FAIM: variants seen among roughly 807,000 people sequenced by gnomAD.
FAIM encodes fas apoptotic inhibitory molecule 1.
Under a neutral mutation model 21.2 loss-of-function variants are expected in FAIM, and 14 were observed. The ratio of observed to expected loss-of-function variants is 0.66; its 90% CI spans 0.44 to 1.03. FAIM has a LOEUF of 1.03. Among genes scored for constraint, FAIM ranks in the 50% least tolerant of loss-of-function variants. The pLI is 0.00. For synonymous variants in FAIM, 86 were observed against 80.4 expected, an observed-to-expected ratio of 1.07 and a Z score of -0.37; for missense variants, 222 against 247.1, an observed-to-expected ratio of 0.90 and a Z score of 0.68.
intron 1 of FAIM, chr3:138,610,913 T>C: frequency 3.2e-6 from 5 of 1,555,588 alleles, no homozygotes; most frequent in Non-Finnish European, 3.5e-6. Flanking sequence ...ACCAAAGCCT[T>C]CTTCGGCAGA....
chr3:138,626,895 G>A (rs905936595), intron 4 of FAIM, among the ~76,000 whole-genome samples: 1 of 152,174 alleles, frequency 6.6e-6, no homozygotes, highest in African/African-American at 2.4e-5. Flanking sequence ...GCTAGGTGAA[G>A]CAATGGTATT....
intron 1 of FAIM, among the ~76,000 whole-genome samples, chr3:138,618,952 T>G (rs150971294): frequency 2.1e-4 from 32 of 152,336 alleles, no homozygotes; most frequent in African/African-American, 7.7e-4. Context: ...ACAGCTTAAT[T>G]AACACTGCAG....
chr3:138,619,657 C>A (rs971064478), intron 1 of FAIM, 54 bp from the exon 2 acceptor site: 21 of 1,531,120 alleles, frequency 1.4e-5, no homozygotes, highest in Admixed American at 1.8e-5. Context: ...TGCTTTCAAT[C>A]TTTCTTTGCT....
At position 138,622,275 on chromosome 3, in the gene FAIM, A is replaced by G. The variant is rs952452118; in HGVS notation, c.265A>G (p.Ile89Val). 1 of 1,613,922 alleles carries G rather than the reference A, an allele frequency of 6.2e-7. No homozygotes were observed. The highest frequency in any genetic ancestry group is 8.5e-7 in the Non-Finnish European group (1 of 1,179,980). The change falls in exon 4 of 6, where the codon ATA (isoleucine) becomes GTA (valine). Residue 89 changes from isoleucine to valine, a missense_variant. Physicochemically the swap from Ile to Val is conservative, Grantham distance 29 (BLOSUM62 3). Transcript: ENST00000360570. ...TGCAAAGACAAAAGCGACCATAAAT[A>G]TAGACGCTATCAGTGGTTTTGCTTA... ...GAAKTKATINIDAISGFAYEY... is the reference protein window; with the variant it reads ...GAAKTKATINVDAISGFAYEY...
intron 4 of FAIM, among the ~76,000 whole-genome samples, chr3:138,625,174 A>G (rs1471756399): frequency 6.6e-6 from 1 of 151,948 alleles, no homozygotes. Context: ...CAAAATTTTA[A>G]TAATTTGGCT....
At chr3:138,614,121 A>T (rs2042800536) in intron 1 of FAIM, among the ~76,000 whole-genome samples, 1 of 152,118 alleles carries the variant, frequency 6.6e-6, no homozygotes, top group Non-Finnish European at 1.5e-5. Flanking sequence ...TTATTTCTGA[A>T]CTCTCAAATT....
At chr3:138,615,896 T>C (rs1334426128) in intron 1 of FAIM, among the ~76,000 whole-genome samples, 1 of 152,238 alleles carries the variant, frequency 6.6e-6, no homozygotes, top group Non-Finnish European at 1.5e-5. Context: ...GGATAGGTGA[T>C]AGAGAAGCCC....
At chr3:138,622,073 C>A in intron 3 of FAIM, 115 bp from the exon 4 acceptor site, 1 of 885,982 alleles carries the variant, frequency 1.1e-6, no homozygotes, top group Non-Finnish European at 1.7e-6. Context: ...AGCCACCACT[C>A]CCGGCAATGA....
chr3:138,618,492 C>T (rs1033036700), intron 1 of FAIM, among the ~76,000 whole-genome samples: 1 of 152,014 alleles, frequency 6.6e-6, no homozygotes, highest in Admixed American at 6.6e-5. Context: ...CATGGCAAAA[C>T]CCCATCTCTA....
intron 1 of FAIM, among the ~76,000 whole-genome samples, chr3:138,609,696 C>T (rs2042747015): frequency 6.6e-6 from 1 of 150,756 alleles, no homozygotes; most frequent in African/African-American, 2.5e-5. Flanking sequence ...TGACTCTTGG[C>T]ATGGCTTTGG....
At chr3:138,610,615 C>T (rs1437128913) in intron 1 of FAIM, 1 of 169,850 alleles carries the variant, frequency 5.9e-6, no homozygotes, top group Non-Finnish European at 1.3e-5. Context: ...CAGAATCTCC[C>T]TCTGTCACCC....
At chr3:138,618,634 C>T (rs1244926598) in intron 1 of FAIM, among the ~76,000 whole-genome samples, 1 of 152,212 alleles carries the variant, frequency 6.6e-6, no homozygotes, top group East Asian at 1.9e-4. Context: ...TGCCACTGCA[C>T]TCCAGCTTGG....
intron 4 of FAIM, among the ~76,000 whole-genome samples, chr3:138,627,591 AC>A (rs1319102091): frequency 1.3e-5 from 2 of 152,330 alleles, no homozygotes; most frequent in East Asian, 3.9e-4. Flanking sequence ...CTCTGAGTAC[AC>A]GTACATGTTC....
At position 138,622,337 on chromosome 3, in the gene FAIM, G is replaced by C; in HGVS notation, c.327G>C (p.Lys109Asn). 3 of 1,613,876 alleles carry C rather than the reference G, an allele frequency of 1.9e-6. No individual in the cohort carries two copies. The highest frequency in any genetic ancestry group is 2.5e-6 in the Non-Finnish European group (3 of 1,179,948). The change falls in exon 4 of 6, where the codon AAG becomes AAC. Residue 109 changes from lysine to asparagine, a missense_variant. Physicochemically the swap from Lys to Asn is moderately conservative, Grantham distance 94. Coordinates refer to ENST00000360570, the MANE Select transcript of FAIM (RefSeq NM_001033031.2). ...YTLEINGKSL[K>N]KYMEDRSKTT... ...TGGAAATTAATGGGAAAAGTCTCAA[G>C]AAGTATATGGAGGACAGATCAAAAA...
chr3:138,633,123 CTGTG>C lies in FAIM; in HGVS notation c.*45_*48del. On this transcript the variant is annotated 3_prime_UTR_variant, in exon 6 of 6. Transcript: ENST00000360570. ...AGTAAAGATCAGGACTTTTTAATTA[CTGTG>C]GTAATTAAATGTGTTCAGTATGTAC... 4 of 1,568,848 alleles carry C rather than the reference CTGTG, an allele frequency of 2.5e-6. No individual in the cohort carries two copies. Among genetic ancestry groups the C allele is most frequent in the Non-Finnish European group, 3.5e-6 (4 of 1,145,652 alleles).
chr3:138,609,605 T>C (rs1291692362), intron 1 of FAIM, among the ~76,000 whole-genome samples: 58 of 83,910 alleles, frequency 6.9e-4, no homozygotes, highest in East Asian at 1.3e-3. Flanking sequence ...TCTCTCTCTC[T>C]CTCTCTCGAC....
chr3:138,611,336 AT>A (rs1319373175), intron 1 of FAIM, among the ~76,000 whole-genome samples: 1 of 151,722 alleles, frequency 6.6e-6, no homozygotes, highest in African/African-American at 2.4e-5. Flanking sequence ...AAATTCACCC[AT>A]TTAAAGTATA....
chr3:138,633,365 C>CT lies in FAIM; in HGVS notation c.*290dup, dbSNP rs1308692724. 3 of 190,542 alleles carry CT rather than the reference C, an allele frequency of 1.6e-5. No individual in the cohort carries two copies. 11.8% of individuals were successfully genotyped at this position (190,542 alleles called of 1,614,324 possible). A position where few individuals can be genotyped will look rare whatever the true frequency, so the allele number is the denominator to read the frequency against. ...ACAGTAACCTTTACTATAATAAATA[C>CT]TTTTAAAAAAATCTGCTTGATTTGT... is the stretch of plus-strand genomic sequence containing the variant. On this transcript the variant is annotated 3_prime_UTR_variant, in exon 6 of 6. Coordinates refer to ENST00000360570, the MANE Select transcript of FAIM (RefSeq NM_001033031.2).
chr3:138,628,372 G>C (rs2042962810), intron 4 of FAIM, among the ~76,000 whole-genome samples: 1 of 152,170 alleles, frequency 6.6e-6, no homozygotes, highest in South Asian at 2.1e-4. Context: ...CCAGTTGGGT[G>C]AGTGTGGGAG....
Sources: gnomAD v4.1 joint callset for allele counts (sites outside exome capture counted in the v4.1 genomes callset) on GRCh38, gnomAD v4.1.1 for gene constraint, MANE v1.5 for transcripts, NCBI Gene and HGNC (gene_info 2026-07-23, HGNC 2026-07-21) for gene names.